ADGRL3: variants seen among roughly 807,000 people sequenced by gnomAD.
ADGRL3 encodes calcium-independent alpha-latrotoxin receptor 3.
In ADGRL3, 62 loss-of-function variants were observed where a neutral mutation model predicts 153.5. The observed-to-expected ratio is 0.40, with a 90% CI of 0.33 to 0.50. The LOEUF is 0.50. Among genes scored for constraint, ADGRL3 ranks in the 20% least tolerant of loss-of-function variants. ADGRL3 has a pLI of 0.47. For missense variants in ADGRL3, 1,641 were observed against 1,859.4 expected (o/e 0.88, Z 2.16); for synonymous variants, 710 against 672.5 (o/e 1.06, Z -0.86).
At chr4:61,980,637 C>T (rs1025988667) in intron 18 of ADGRL3, among the ~76,000 whole-genome samples, 1 of 151,902 alleles carries the variant, frequency 6.6e-6, no homozygotes, top group Non-Finnish European at 1.5e-5. Context: ...GACAAGGTTT[C>T]GCCATGTTGT....
intron 1 of ADGRL3, among the ~76,000 whole-genome samples, chr4:61,237,613 C>A (rs1753326865): frequency 6.6e-6 from 1 of 152,070 alleles, no homozygotes; most frequent in African/African-American, 2.4e-5. Flanking sequence ...AAAGATAGAA[C>A]TATTAGTTAG....
At chr4:61,781,502 G>A (rs2345045) in intron 8 of ADGRL3, among the ~76,000 whole-genome samples, 1 of 151,922 alleles carries the variant, frequency 6.6e-6, no homozygotes, top group Non-Finnish European at 1.5e-5. Flanking sequence ...GGCTTAGTGA[G>A]TTAGGGTGAG....
chr4:61,711,785 G>A (rs954987315), intron 6 of ADGRL3, among the ~76,000 whole-genome samples: 8 of 151,774 alleles, frequency 5.3e-5, no homozygotes, highest in Non-Finnish European at 1.2e-4. Flanking sequence ...TGTGGTTGGC[G>A]GAGACTTCAC....
chr4:61,709,228 C>T (rs2151436525), intron 6 of ADGRL3, among the ~76,000 whole-genome samples: 1 of 152,168 alleles, frequency 6.6e-6, no homozygotes, highest in Non-Finnish European at 1.5e-5. Context: ...AAATTTATCC[C>T]ATTATTTTAG....
chr4:61,861,842 C>T (rs538128302), intron 9 of ADGRL3, among the ~76,000 whole-genome samples: 99 of 152,154 alleles, frequency 6.5e-4, no homozygotes, highest in Non-Finnish European at 5.0e-4. Context: ...GGCTTGATTA[C>T]TTGAAGGCCC....
intron 8 of ADGRL3, among the ~76,000 whole-genome samples, chr4:61,788,991 G>A (rs2097309038): frequency 6.6e-6 from 1 of 152,028 alleles, no homozygotes; most frequent in Non-Finnish European, 1.5e-5. Context: ...TCAAGTCTCA[G>A]TTCTTCACTT....
intron 2 of ADGRL3, among the ~76,000 whole-genome samples, chr4:61,451,236 A>G (rs2097669689): frequency 6.6e-6 from 1 of 152,166 alleles, no homozygotes; most frequent in East Asian, 1.9e-4. Context: ...TGTTACTGTG[A>G]TAATTTGTCA....
intron 9 of ADGRL3, 115 bp downstream of exon 9, chr4:61,814,004 A>G: frequency 1.5e-6 from 2 of 1,339,124 alleles, no homozygotes; most frequent in South Asian, 1.4e-5. Context: ...CAGGGGTAAA[A>G]TGAAGTATGT....
chr4:61,395,958 A>T (rs1253540586), intron 2 of ADGRL3, among the ~76,000 whole-genome samples: 1 of 152,000 alleles, frequency 6.6e-6, no homozygotes, highest in Non-Finnish European at 1.5e-5. Context: ...CAAACAAGGA[A>T]TAATGAATGA....
chr4:61,266,796 A>G (rs570927923), intron 1 of ADGRL3, among the ~76,000 whole-genome samples: 2 of 151,768 alleles, frequency 1.3e-5, no homozygotes, highest in East Asian at 1.9e-4. Context: ...AGAGTAGTCC[A>G]GTAATTGAAG....
At chr4:61,340,415 G>T (rs140322862) in intron 1 of ADGRL3, among the ~76,000 whole-genome samples, 390 of 152,038 alleles carry the variant, frequency 2.6e-3, no homozygotes, top group Non-Finnish European at 4.8e-3. Flanking sequence ...CAGTGGGATA[G>T]GCATTCTCTT....
chr4:61,365,228 A>T (rs1296124636), intron 1 of ADGRL3, among the ~76,000 whole-genome samples: 1 of 144,104 alleles, frequency 6.9e-6, no homozygotes, highest in Non-Finnish European at 1.5e-5. Context: ...AGTTTATTTG[A>T]CTGGAAGATC....
intron 4 of ADGRL3, among the ~76,000 whole-genome samples, chr4:61,530,183 A>G (rs1006120117): frequency 2.6e-5 from 4 of 152,164 alleles, no homozygotes; most frequent in Non-Finnish European, 5.9e-5. Flanking sequence ...AGAAAATTGC[A>G]TAAGTGCATG....
intron 1 of ADGRL3, among the ~76,000 whole-genome samples, chr4:61,250,280 A>G (rs912541965): frequency 5.9e-5 from 9 of 152,196 alleles, no homozygotes; most frequent in African/African-American, 1.9e-4. Flanking sequence ...AGAGCATTCA[A>G]TGGCAGTGAG....
Position 61,210,959 on chromosome 4 carries a change from A to G in ADGRL3, c.-240+9194A>G, listed in dbSNP as rs998670111. Among the ~76,000 whole-genome samples, 54 of 152,206 alleles carry G rather than the reference A, an allele frequency of 3.5e-4. 2 individuals carry two copies. Among genetic ancestry groups the G allele is most frequent in the Non-Finnish European group, 4.4e-5 (3 of 68,038 alleles). On this transcript the variant is annotated intron_variant, in intron 1 of 26. Coordinates refer to ENST00000683033, the MANE Select transcript of ADGRL3 (RefSeq NM_001387552.1). ...CTAGGCAGCCATTTAAAAAAATTAT[A>G]TACAATCATCTTTTGAGGTTTAGGC... is the stretch of plus-strand genomic sequence containing the variant.
intron 21 of ADGRL3, among the ~76,000 whole-genome samples, chr4:62,027,993 C>G (rs1212742435): frequency 2.0e-5 from 3 of 151,858 alleles, no homozygotes; most frequent in Non-Finnish European, 4.4e-5. Context: ...CAGTGGTTCT[C>G]TTTATTCAAA....
chr4:61,312,546 C>A (rs2095052648), intron 1 of ADGRL3, among the ~76,000 whole-genome samples: 1 of 151,940 alleles, frequency 6.6e-6, no homozygotes, highest in African/African-American at 2.4e-5. Context: ...TTCTTAAAAC[C>A]CAATAAGAAA....
chr4:61,679,920 T>C (rs971856955), intron 6 of ADGRL3, among the ~76,000 whole-genome samples: 1 of 152,078 alleles, frequency 6.6e-6, no homozygotes, highest in African/African-American at 2.4e-5. Flanking sequence ...AGAAAGTGTT[T>C]CAAGGGCCCA....
intron 2 of ADGRL3, among the ~76,000 whole-genome samples, chr4:61,403,053 T>A (rs62305274): frequency 0.62 from 93,420 of 151,510 alleles, 29,634 homozygotes; most frequent in Admixed American, 0.75. Context: ...TGGCCTTTCC[T>A]CTTTGTGTGC....
Sources: allele counts gnomAD v4.1 joint callset (sites outside exome capture counted in the v4.1 genomes callset), GRCh38; gene constraint gnomAD v4.1.1; transcripts MANE v1.5; gene names NCBI Gene and HGNC (gene_info 2026-07-23, HGNC 2026-07-21).